RXRB: variants seen among roughly 807,000 people sequenced by gnomAD.
RXRB encodes the protein retinoic acid receptor RXR-beta.
A neutral mutation model predicts 52.5 loss-of-function variants in RXRB; 18 were observed. The ratio of observed to expected loss-of-function variants is 0.34; its 90% confidence interval spans 0.24 to 0.51. The LOEUF is 0.51. RXRB is among the 20% of genes least tolerant of loss of function. The probability of loss-of-function intolerance (pLI) is 0.97; values close to 1 mark genes in which losing one functional copy is unlikely to be tolerated. For synonymous variants in RXRB, 233 were observed against 267.1 expected, an observed-to-expected ratio of 0.87 and a Z score of 1.25; for missense variants, 455 against 698.2, an observed-to-expected ratio of 0.65 and a Z score of 3.92.
At position 33,200,213 on chromosome 6, in the gene RXRB, C is replaced by T. The variant is rs761677651; in HGVS notation, c.235+29G>A. The T allele has an allele frequency of 2.5e-5, 40 of 1,600,490 alleles. No homozygotes were observed. Among genetic ancestry groups the T allele is most frequent in the Non-Finnish European group, 3.2e-5 (38 of 1,174,458 alleles). Reference sequence around the variant, plus strand: ...GGGTCGCAGATAAAGCGGTCACTGGCTCGCCTGCCCTTCTGCTGGGGCACT... The same window carrying T: ...GGGTCGCAGATAAAGCGGTCACTGGTTCGCCTGCCCTTCTGCTGGGGCACT... On this transcript the variant is annotated intron_variant, in intron 1 of 9. Coordinates refer to ENST00000374680, the MANE Select transcript of RXRB (RefSeq NM_021976.5). The surrounding 1 kb of genome is among the most constrained non-coding windows in gnomAD (Gnocchi z 6.3).
At position 33,200,423 on chromosome 6, in the gene RXRB, C is replaced by A; in HGVS notation, c.54G>T (p.Gln18His). 1 of 1,584,012 alleles carries A rather than the reference C, an allele frequency of 6.3e-7. No individual in the cohort carries two copies. The highest frequency in any genetic ancestry group is 8.6e-7 in the Non-Finnish European group (1 of 1,167,060). ...PFLPQRHAAG[Q>H]CGPVGVRKEM... ...CTTTTCGCACCCCCACCGGCCCACA[C>A]TGCCCTGCGGCATGCCGCTGAGGGA... Residue 18 changes from glutamine to histidine, a missense_variant, in exon 1 of 10, where the codon CAG becomes CAT. By Grantham distance (24) the Gln-to-His change is conservative. Coordinates refer to ENST00000374680, the MANE Select transcript of RXRB (RefSeq NM_021976.5). The surrounding 1 kb of genome is among the most constrained non-coding windows in gnomAD (Gnocchi z 6.3).
Position 33,197,030 on chromosome 6 carries a change from AAG to A in RXRB, c.821-426_821-425del, listed in dbSNP as rs1325933774. Reference sequence around the variant, plus strand: ...TTTAAGATGAAGAACTCGGGGTTCAAAGAGATTAGTTTGCTTAAATTCATATA... The same window carrying A: ...TTTAAGATGAAGAACTCGGGGTTCAAAGATTAGTTTGCTTAAATTCATATA... On this transcript the variant is annotated intron_variant, in intron 4 of 9. Coordinates refer to ENST00000374680, the MANE Select transcript of RXRB (RefSeq NM_021976.5). This position sits in a 1 kb window ranked among gnomAD's most constrained non-coding sequence, Gnocchi z 4.4. 6.6e-6 allele frequency among the ~76,000 whole-genome samples: 1 copy of A among 152,216 alleles called. No homozygotes were observed. The highest frequency in any genetic ancestry group is 1.5e-5 in the Non-Finnish European group (1 of 68,042).
In RXRB at chr6:33,197,711, T is replaced by C; in HGVS notation, c.820+51A>G. ...AGAGAGGTACACAGTCTGAGTGGGA[T>C]AAGGGAGAAGGGCATGTGGTCTAAG... On this transcript the variant is annotated intron_variant, in intron 4 of 9. Transcript: ENST00000374680. This position sits in a 1 kb window ranked among gnomAD's most constrained non-coding sequence, Gnocchi z 4.4. 1 of 1,567,244 alleles carries C rather than the reference T, an allele frequency of 6.4e-7. No individual in the cohort carries two copies. Among genetic ancestry groups the C allele is most frequent in the South Asian group, 1.1e-5 (1 of 89,102 alleles).
rs1453501250 is a variant in RXRB, at chr6:33,198,362, C to T, written c.586G>A (p.Gly196Ser). 5 of 1,613,036 alleles carry T rather than the reference C, an allele frequency of 3.1e-6. No homozygotes were observed. The highest frequency in any genetic ancestry group is 1.3e-5 in the African/African-American group (1 of 75,052). The change falls in exon 3 of 10, where the codon GGT (glycine) becomes AGT (serine). Residue 196 changes from glycine to serine, a missense_variant. Gly to Ser is a moderately conservative substitution (Grantham distance 56, BLOSUM62 0). Around this residue, in one of 4 missense-constraint regions of RXRB, gnomAD observed 225 missense variants for 258.6 expected, o/e 0.87. Transcript: ENST00000374680. ...VRGLHCPPPP[G>S]GPGAGKRLCA... The stretch of plus-strand genomic sequence containing the variant: ...AGCCGTTTGCCAGCCCCAGGGCCAC[C>T]TGGAGGGGGTGGACAGTGCAGGCCC...
In RXRB at chr6:33,197,314, GAAGAT is replaced by G. The variant is rs1172622508; in HGVS notation, c.820+443_820+447del. 6.6e-6 allele frequency among the ~76,000 whole-genome samples: 1 copy of G among 152,168 alleles called. No individual in the cohort carries two copies. Among genetic ancestry groups the G allele is most frequent in the Non-Finnish European group, 1.5e-5 (1 of 68,020 alleles). ...TCAGAATCCTAGGAATCTGACTTAAGAAGATAAGATGGAGACACAGAAGAAGGAAG... is the reference window on the plus strand; with the variant it reads ...TCAGAATCCTAGGAATCTGACTTAAGAAGATGGAGACACAGAAGAAGGAAG... On this transcript the variant is annotated intron_variant, in intron 4 of 9. Coordinates refer to ENST00000374680, the MANE Select transcript of RXRB (RefSeq NM_021976.5). This position sits in a 1 kb window ranked among gnomAD's most constrained non-coding sequence, Gnocchi z 4.4.
chr6:33,197,072 A>G lies in RXRB; in HGVS notation c.821-466T>C, dbSNP rs1773962747. ...AAATTCATATAATACATGGCAGGTC[A>G]TACAACTGACTCTAAGTGTGTCTGA... is the stretch of plus-strand genomic sequence containing the variant. On this transcript the variant is annotated intron_variant, in intron 4 of 9. Transcript: ENST00000374680. The surrounding 1 kb of genome is among the most constrained non-coding windows in gnomAD (Gnocchi z 4.4). 6.6e-6 allele frequency among the ~76,000 whole-genome samples: 1 copy of G among 152,222 alleles called. No homozygotes were observed. The highest frequency in any genetic ancestry group is 2.4e-5 in the African/African-American group (1 of 41,468).
chr6:33,200,168 CG>C lies in RXRB; in HGVS notation c.235+73del. ...GGCGGGAGCGCAAGGAAAAGAGCAC[CG>C]GGGGAGGGTGTGGGGGAGGGGTCGC... On this transcript the variant is annotated intron_variant, in intron 1 of 9. Transcript: ENST00000374680. The surrounding 1 kb of genome is among the most constrained non-coding windows in gnomAD (Gnocchi z 6.3). 2 of 1,563,692 alleles carry C rather than the reference CG, an allele frequency of 1.3e-6. No individual in the cohort carries two copies.
At position 33,195,603 on chromosome 6, in the gene RXRB, G is replaced by C. The variant is rs768025400; in HGVS notation, c.1223C>G (p.Ala408Gly). 2 of 1,613,094 alleles carry C rather than the reference G, an allele frequency of 1.2e-6. No individual in the cohort carries two copies. Among genetic ancestry groups the C allele is most frequent in the Admixed American group, 1.7e-5 (1 of 60,024 alleles). Residue 408 changes from alanine to glycine, a missense_variant, in exon 7 of 10, where the codon GCC (alanine) becomes GGC (glycine). Ala to Gly is a moderately conservative substitution (Grantham distance 60). Transcript: ENST00000374680. This position sits in a 1 kb window ranked among gnomAD's most constrained non-coding sequence, Gnocchi z 8.6. ...GATGGCTCCTACTCCTGCTGAATGG[G>C]CTGAGTTGCGGTGCACGTGAAGACC... is the stretch of plus-strand genomic sequence containing the variant. ...ATGLHVHRNS[A>G]HSAGVGAIFD...
Position 33,194,670 on chromosome 6 carries a change from C to G in RXRB, c.*12G>C, listed in dbSNP as rs777260045. 2 of 1,611,778 alleles carry G rather than the reference C, an allele frequency of 1.2e-6. No homozygotes were observed. Among genetic ancestry groups the G allele is most frequent in the South Asian group, 2.2e-5 (2 of 90,908 alleles). On this transcript the variant is annotated 3_prime_UTR_variant, in exon 10 of 10. Transcript: ENST00000374680. The surrounding 1 kb of genome is among the most constrained non-coding windows in gnomAD (Gnocchi z 4.1). The stretch of plus-strand genomic sequence containing the variant: ...TCCTCCAGTGTGAGAAGCACCACGT[C>G]TGGGTCTGAGCTCAGGCCAGTTGAT...
rs1434321459 is a variant in RXRB, at chr6:33,194,893, A to G, written c.1454+52T>C. The G allele has an allele frequency of 6.8e-6, 11 of 1,611,100 alleles. No individual in the cohort carries two copies. In the East Asian group the frequency reaches 1.8e-4, roughly 26 times the overall value. On this transcript the variant is annotated intron_variant, in intron 9 of 9. Coordinates refer to ENST00000374680, the MANE Select transcript of RXRB (RefSeq NM_021976.5). The surrounding 1 kb of genome is among the most constrained non-coding windows in gnomAD (Gnocchi z 4.1). ...GCACACGGGCCCTGAACACATCCTC[A>G]TAGCACTCCCCACCCCCAAGGGAGC...
In RXRB at chr6:33,195,747, G is replaced by A. The variant is rs1391417129; in HGVS notation, c.1124-45C>T. The A allele has an allele frequency of 6.2e-7, 1 of 1,606,512 alleles. No homozygotes were observed. Among genetic ancestry groups the A allele is most frequent in the African/African-American group, 1.3e-5 (1 of 74,872 alleles). On this transcript the variant is annotated intron_variant, in intron 6 of 9. Transcript: ENST00000374680. The surrounding 1 kb of genome is among the most constrained non-coding windows in gnomAD (Gnocchi z 8.6). ...TCAGGAGCCAGAAATCAGGCCAAGG[G>A]ATTCAAAGCACATCAGTGGAAGAGA... is the stretch of plus-strand genomic sequence containing the variant.
Position 33,199,228 on chromosome 6 carries a change from A to G in RXRB, c.424T>C (p.Ser142Pro). ...PFPVISSSMG[S>P]PGLPPPAPPG... ...GGAGCTGGAGGGGGCAGACCAGGGGACCCCATGGAAGAACTGATGACTGGA... is the reference window on the plus strand; with the variant it reads ...GGAGCTGGAGGGGGCAGACCAGGGGGCCCCATGGAAGAACTGATGACTGGA... Residue 142 changes from serine to proline, a missense_variant, in exon 2 of 10, where the codon TCC (serine) becomes CCC (proline). This residue lies in a region of RXRB where 225 missense variants were observed against 258.6 expected (regional missense o/e 0.87). Coordinates refer to ENST00000374680, the MANE Select transcript of RXRB (RefSeq NM_021976.5). The G allele has an allele frequency of 1.3e-5, 15 of 1,152,116 alleles. No homozygotes were observed. The highest frequency in any genetic ancestry group is 1.6e-5 in the Non-Finnish European group (15 of 931,844). The allele number at this position is 1,152,116 out of a possible 1,614,324, so 71.4% of individuals were successfully genotyped here. A position where few individuals can be genotyped will look rare whatever the true frequency, so the allele number is the denominator to read the frequency against.
In RXRB at chr6:33,199,266, A is replaced by G; in HGVS notation, c.386T>C (p.Leu129Pro). 8.4e-6 allele frequency: 2 copies of G among 237,164 alleles called. No homozygotes were observed. Among genetic ancestry groups the G allele is most frequent in the Non-Finnish European group, 1.0e-5 (2 of 194,514 alleles). 14.7% of individuals were successfully genotyped at this position (237,164 alleles called of 1,614,324 possible). The change falls in exon 2 of 10, where the codon CTG becomes CCG. Residue 129 changes from leucine (L) to proline (P), a missense_variant. This residue lies in a region of RXRB where 225 missense variants were observed against 258.6 expected (regional missense o/e 0.87). Transcript: ENST00000374680. Reference sequence around the variant, plus strand: ...ACTGATGACTGGAAAGGGAGAGCCCAGTGGGGGTGGTGGCATCGGGGGTGG... The same window carrying G: ...ACTGATGACTGGAAAGGGAGAGCCCGGTGGGGGTGGTGGCATCGGGGGTGG... Reference protein sequence around the residue: ...PPPPPMPPPPLGSPFPVISSS... With the variant: ...PPPPPMPPPPPGSPFPVISSS...
chr6:33,200,718 G>A, upstream of RXRB: 1 of 1,546,174 alleles, frequency 6.5e-7, no homozygotes, highest in Non-Finnish European at 8.7e-7. This position sits in a 1 kb window ranked among gnomAD's most constrained non-coding sequence, Gnocchi z 6.3. Flanking sequence ...CGAGGAGGCG[G>A]TCTCCTCCGG....
In RXRB at chr6:33,195,706, G is replaced by A. The variant is rs1406707010; in HGVS notation, c.1124-4C>T. Reference sequence around the variant, plus strand: ...GCAATGAGGAGTTCATTCCAGCCTGGGTGGGGCAGCAAGGGTCAGGAGCCA... The same window carrying A: ...GCAATGAGGAGTTCATTCCAGCCTGAGTGGGGCAGCAAGGGTCAGGAGCCA... On this transcript the variant is annotated splice_region_variant and splice_polypyrimidine_tract_variant and intron_variant, in intron 6 of 9. Transcript: ENST00000374680. The surrounding 1 kb of genome is among the most constrained non-coding windows in gnomAD (Gnocchi z 8.6). 6.2e-7 allele frequency: 1 copy of A among 1,611,598 alleles called. No individual in the cohort carries two copies. Among genetic ancestry groups the A allele is most frequent in the Admixed American group, 1.7e-5 (1 of 59,964 alleles).
At chr6:33,198,199 C>A in intron 3 of RXRB, 109 bp downstream of exon 3, 2 of 1,489,732 alleles carry the variant, frequency 1.3e-6, no homozygotes, top group South Asian at 2.3e-5. Flanking sequence ...TCCCATCAGG[C>A]CTCCCCCAGG....
At position 33,200,090 on chromosome 6, in the gene RXRB, G is replaced by C. The variant is rs931234361; in HGVS notation, c.235+152C>G. On this transcript the variant is annotated intron_variant, in intron 1 of 9. Transcript: ENST00000374680. This position sits in a 1 kb window ranked among gnomAD's most constrained non-coding sequence, Gnocchi z 6.3. Reference sequence around the variant, plus strand: ...TCCCCTTCCCCGCCCCGCCCCGGGGGGGAGGGTGCTAAGGCCCTCGGGAGG... The same window carrying C: ...TCCCCTTCCCCGCCCCGCCCCGGGGCGGAGGGTGCTAAGGCCCTCGGGAGG... 2.9e-5 allele frequency: 33 copies of C among 1,127,478 alleles called. No homozygotes were observed. The South Asian group carries it at 3.5e-4, about 12-fold the overall frequency. The allele number at this position is 1,127,478 out of a possible 1,614,324, so 69.8% of individuals were successfully genotyped here.
rs773365286 is a variant in RXRB at position 33,194,781 on chromosome 6, A to C, written c.1503T>G (p.Leu501=). The change falls in exon 10 of 10, where the codon CTT becomes CTG. Residue 501 remains leucine (L), a synonymous_variant. Coordinates refer to ENST00000374680, the MANE Select transcript of RXRB (RefSeq NM_021976.5). This position sits in a 1 kb window ranked among gnomAD's most constrained non-coding sequence, Gnocchi z 4.1. The part of the protein sequence containing the change: ...LRLPALRSIG[L]KCLEHLFFFK... ...AGAAAAACAGATGCTCTAGACACTT[A>C]AGGCCAATGGACCGGAGGGCAGGAA... is the stretch of plus-strand genomic sequence containing the variant. 4 of 1,613,134 alleles carry C rather than the reference A, an allele frequency of 2.5e-6. No homozygotes were observed. The highest frequency in any genetic ancestry group is 3.4e-6 in the Non-Finnish European group (4 of 1,180,034).
At position 33,198,295 on chromosome 6, in the gene RXRB, CTG is replaced by C. The variant is rs767306947; in HGVS notation, c.640+11_640+12del. The C allele has an allele frequency of 1.9e-6, 3 of 1,613,006 alleles. No homozygotes were observed. Among genetic ancestry groups the C allele is most frequent in the Non-Finnish European group, 2.5e-6 (3 of 1,179,964 alleles). On this transcript the variant is annotated intron_variant, in intron 3 of 9. Coordinates refer to ENST00000374680, the MANE Select transcript of RXRB (RefSeq NM_021976.5). Reference sequence around the variant, plus strand: ...CAGACTCTCCCTCTCTGTTCATCCTCTGAGCCACATACCTGAGCTTCTGTCCC... The same window carrying C: ...CAGACTCTCCCTCTCTGTTCATCCTCAGCCACATACCTGAGCTTCTGTCCC...
Sources: gnomAD v4.1 joint callset for allele counts (sites outside exome capture counted in the v4.1 genomes callset) on GRCh38, gnomAD v4.1.1 for gene constraint, gnomAD v4.1.1 regional missense constraint, Gnocchi (gnomAD v3.1) non-coding constraint, MANE v1.5 for transcripts, NCBI Gene and HGNC (gene_info 2026-07-23, HGNC 2026-07-21) for gene names.